Variants in GPM6A observed in about 807,000 individuals in gnomAD.
GPM6A encodes glycoprotein M6A.
In GPM6A, 7 loss-of-function variants were observed where a neutral mutation model predicts 32.1. That is an observed-to-expected ratio of 0.22 (90% CI 0.12 to 0.41). The LOEUF is 0.41. Ranked by LOEUF, GPM6A falls within the 10% of genes least tolerant of loss-of-function variation. GPM6A has a pLI of 1.00. For missense variants in GPM6A, 235 were observed against 347.2 expected, an observed-to-expected ratio of 0.68 and a Z score of 2.57; for synonymous variants, 130 against 123.4, an observed-to-expected ratio of 1.05 and a Z score of -0.35.
intron 3 of GPM6A, among the ~76,000 whole-genome samples, chr4:175,653,789 ATTTAGAGAATATTTGGTC>A (rs1434377726): frequency 2.6e-5 from 4 of 152,150 alleles, no homozygotes; most frequent in Non-Finnish European, 5.9e-5. Flanking sequence ...CCAGGTGGAA[ATTTAGAGAATATTTGGTC>A]TTTAGACACA....
intron 2 of GPM6A, among the ~76,000 whole-genome samples, chr4:175,700,897 T>C (rs1744842561): frequency 6.6e-6 from 1 of 152,202 alleles, no homozygotes; most frequent in Non-Finnish European, 1.5e-5. Flanking sequence ...CTCTATATTA[T>C]GCAATAAGGA....
At chr4:175,678,992 G>C (rs758619791) in intron 2 of GPM6A, among the ~76,000 whole-genome samples, 51 of 152,204 alleles carry the variant, frequency 3.4e-4, no homozygotes, top group Non-Finnish European at 6.5e-4. Flanking sequence ...ACAGTGTATA[G>C]TTATTGACCT....
intron 1 of GPM6A, among the ~76,000 whole-genome samples, chr4:175,959,452 C>A (rs573183023): frequency 6.6e-6 from 1 of 151,768 alleles, no homozygotes; most frequent in Admixed American, 6.6e-5. Context: ...ACACACACAC[C>A]CCACATACGC....
intron 1 of GPM6A, among the ~76,000 whole-genome samples, chr4:175,773,832 C>A (rs984925353): frequency 1.3e-5 from 2 of 152,032 alleles, no homozygotes; most frequent in Non-Finnish European, 2.9e-5. Flanking sequence ...TCAGTATATG[C>A]AAAGTCTTAA....
intron 1 of GPM6A, among the ~76,000 whole-genome samples, chr4:175,933,774 G>T (rs1273368781): frequency 6.6e-6 from 1 of 152,096 alleles, no homozygotes; most frequent in African/African-American, 2.4e-5. Flanking sequence ...TCGCTCTCCT[G>T]ACCTCGTGAT....
chr4:175,640,510 T>C (rs1165880041), intron 5 of GPM6A, among the ~76,000 whole-genome samples: 4 of 152,208 alleles, frequency 2.6e-5, no homozygotes, highest in Non-Finnish European at 5.9e-5. Context: ...CATCATGTTT[T>C]CAGCCTTCAT....
At chr4:175,960,281 G>A (rs1218113805) in intron 1 of GPM6A, among the ~76,000 whole-genome samples, 10 of 152,100 alleles carry the variant, frequency 6.6e-5, no homozygotes, top group Admixed American at 1.3e-4. Flanking sequence ...TAGGATTCTA[G>A]GCATAGAATT....
At chr4:175,970,545 T>C (rs777566993) in intron 1 of GPM6A, among the ~76,000 whole-genome samples, 1 of 152,072 alleles carries the variant, frequency 6.6e-6, no homozygotes, top group Non-Finnish European at 1.5e-5. Context: ...ACAGAAAGAG[T>C]TGGACAGAGT....
chr4:175,986,055 C>T (rs1740965255), intron 1 of GPM6A, among the ~76,000 whole-genome samples: 1 of 152,058 alleles, frequency 6.6e-6, no homozygotes, highest in Admixed American at 6.6e-5. Context: ...CTGCCCCCCT[C>T]AGCCTCCCAA....
At chr4:175,912,374 G>C (rs1738348682) in intron 1 of GPM6A, among the ~76,000 whole-genome samples, 1 of 152,108 alleles carries the variant, frequency 6.6e-6, no homozygotes, top group Non-Finnish European at 1.5e-5. Flanking sequence ...TAAAGGTCTT[G>C]CTGGGCATGG....
intron 1 of GPM6A, among the ~76,000 whole-genome samples, chr4:175,989,812 C>A (rs1403986163): frequency 6.6e-6 from 1 of 152,044 alleles, no homozygotes; most frequent in Non-Finnish European, 1.5e-5. Flanking sequence ...AATCTTAAAG[C>A]CTTGTCTGGA....
chr4:175,691,641 T>C (rs1047265359), intron 2 of GPM6A, among the ~76,000 whole-genome samples: 9 of 152,188 alleles, frequency 5.9e-5, no homozygotes, highest in Non-Finnish European at 7.3e-5. Flanking sequence ...GATATCATGA[T>C]CGATTTTACC....
At chr4:175,878,912 A>T (rs959098552) in intron 1 of GPM6A, among the ~76,000 whole-genome samples, 1 of 152,182 alleles carries the variant, frequency 6.6e-6, no homozygotes, top group Non-Finnish European at 1.5e-5. Flanking sequence ...CAAAAAGCTG[A>T]ATGCTTTTAA....
chr4:175,709,120 T>C (rs1204102984), intron 1 of GPM6A, among the ~76,000 whole-genome samples: 3 of 152,240 alleles, frequency 2.0e-5, no homozygotes, highest in Non-Finnish European at 2.9e-5. Context: ...TTAAGTTGTA[T>C]ATAACATTTT....
intron 1 of GPM6A, among the ~76,000 whole-genome samples, chr4:175,861,290 TA>T (rs1736565077): frequency 6.6e-6 from 1 of 150,694 alleles, no homozygotes; most frequent in South Asian, 2.1e-4. Context: ...AAAATAAGGA[TA>T]AAAAGGGCAA....
intron 1 of GPM6A, among the ~76,000 whole-genome samples, chr4:175,911,329 T>C (rs1738309013): frequency 6.6e-6 from 1 of 152,110 alleles, no homozygotes; most frequent in African/African-American, 2.4e-5. Flanking sequence ...TCTCTCCATC[T>C]CAAAAATATA....
At chr4:175,999,185 T>A (rs138844157) in intron 1 of GPM6A, among the ~76,000 whole-genome samples, 41 of 152,366 alleles carry the variant, frequency 2.7e-4, no homozygotes, top group African/African-American at 9.4e-4. Flanking sequence ...TGTAGTCTCA[T>A]AGTGATATAC....
At chr4:175,939,100 A>T (rs1464227590) in intron 1 of GPM6A, among the ~76,000 whole-genome samples, 1 of 152,200 alleles carries the variant, frequency 6.6e-6, no homozygotes, top group Non-Finnish European at 1.5e-5. Flanking sequence ...TAAAGATGTG[A>T]ATCCTGTTTA....
intron 1 of GPM6A, among the ~76,000 whole-genome samples, chr4:175,749,848 A>T (rs1242894381): frequency 6.6e-6 from 1 of 152,164 alleles, no homozygotes; most frequent in African/African-American, 2.4e-5. Context: ...ATAGGCCAGC[A>T]TGAGTTGTCA....
Sources: gnomAD v4.1 joint callset for allele counts (sites outside exome capture counted in the v4.1 genomes callset) on GRCh38, gnomAD v4.1.1 for gene constraint, MANE v1.5 for transcripts, NCBI Gene and HGNC (gene_info 2026-07-23, HGNC 2026-07-21) for gene names.